The following HEMK2 variants were observed in gnomAD, a reference collection of about 807,000 sequenced individuals.
HEMK2 encodes the protein methyltransferase HEMK2.
At chr21:28,724,449 G>A in the HEMK2 span, among the ~76,000 whole-genome samples, 1 of 152,188 alleles carries the variant, frequency 6.6e-6, no homozygotes, top group Non-Finnish European at 1.5e-5. Flanking sequence ...GCATTTGCAT[G>A]AGCTGTAATG....
the HEMK2 span, among the ~76,000 whole-genome samples, chr21:28,740,490 T>C: frequency 2.0e-5 from 3 of 152,214 alleles, no homozygotes; most frequent in Admixed American, 6.5e-5. Flanking sequence ...ATATGGGCAA[T>C]AGTGATTGTT....
chr21:28,617,490 C>T, the HEMK2 span, among the ~76,000 whole-genome samples: 1 of 152,176 alleles, frequency 6.6e-6, no homozygotes, highest in South Asian at 2.1e-4. Flanking sequence ...ATCAGCCAAC[C>T]ATTGCTGTAA....
chr21:28,707,612 A>C, the HEMK2 span, among the ~76,000 whole-genome samples: 3 of 152,262 alleles, frequency 2.0e-5, no homozygotes, highest in African/African-American at 4.8e-5. Context: ...GACTCACCAG[A>C]GAATTGCCTG....
At chr21:28,834,114 T>C in the HEMK2 span, among the ~76,000 whole-genome samples, 1 of 152,234 alleles carries the variant, frequency 6.6e-6, no homozygotes, top group Non-Finnish European at 1.5e-5. Context: ...CCTATGTGAA[T>C]GATCCCCAAC....
the HEMK2 span, among the ~76,000 whole-genome samples, chr21:28,822,602 T>C: frequency 6.6e-6 from 1 of 151,942 alleles, no homozygotes; most frequent in Non-Finnish European, 1.5e-5. Flanking sequence ...CACATATATA[T>C]ATCCCTGAGC....
chr21:28,787,322 G>T, the HEMK2 span, among the ~76,000 whole-genome samples: 6 of 152,120 alleles, frequency 3.9e-5, no homozygotes, highest in African/African-American at 1.4e-4. Context: ...TCATGACCAA[G>T]AACCCAAAAG....
chr21:28,674,537 T>G, the HEMK2 span: 9 of 152,302 alleles, frequency 5.9e-5, 1 homozygote, highest in South Asian at 1.5e-3. Flanking sequence ...CTTGTCCTGC[T>G]TCTCTGGAGT....
chr21:28,786,833 G>A, the HEMK2 span, among the ~76,000 whole-genome samples: 1,099 of 152,222 alleles, frequency 7.2e-3, 9 homozygotes, highest in African/African-American at 0.024. Context: ...TGAAAATCTT[G>A]TAATATTTTC....
the HEMK2 span, among the ~76,000 whole-genome samples, chr21:28,652,552 G>A: frequency 2.0e-5 from 3 of 151,938 alleles, no homozygotes; most frequent in African/African-American, 7.3e-5. Flanking sequence ...TTGCTCCCAT[G>A]AGGGGAACCC....
At chr21:28,786,193 G>A in the HEMK2 span, among the ~76,000 whole-genome samples, 11 of 152,202 alleles carry the variant, frequency 7.2e-5, no homozygotes, top group South Asian at 6.2e-4. Context: ...AAATCACACC[G>A]CCATGTTTCA....
At chr21:28,701,328 C>T in the HEMK2 span, among the ~76,000 whole-genome samples, 1 of 151,964 alleles carries the variant, frequency 6.6e-6, no homozygotes, top group Non-Finnish European at 1.5e-5. Flanking sequence ...TAAAAGGCAT[C>T]CAAATAGGAG....
the HEMK2 span, among the ~76,000 whole-genome samples, chr21:28,825,457 T>G: frequency 6.6e-6 from 1 of 152,098 alleles, no homozygotes; most frequent in African/African-American, 2.4e-5. Flanking sequence ...CAGGCCACAT[T>G]AGGCAGAGAT....
chr21:28,761,867 T>C, the HEMK2 span, among the ~76,000 whole-genome samples: 1 of 151,954 alleles, frequency 6.6e-6, no homozygotes, highest in South Asian at 2.1e-4. Flanking sequence ...GGCAGCAAAT[T>C]GAAAAGACGA....
At chr21:28,719,503 G>A in the HEMK2 span, among the ~76,000 whole-genome samples, 1 of 152,160 alleles carries the variant, frequency 6.6e-6, no homozygotes, top group East Asian at 1.9e-4. Context: ...CTTTGCCTTT[G>A]CCATGATTGT....
At chr21:28,882,132 AATT>A in the HEMK2 span, 150 of 1,534,660 alleles carry the variant, frequency 9.8e-5, no homozygotes, top group Middle Eastern at 1.7e-3. Flanking sequence ...TTGAAAAGAA[AATT>A]ATTACTGGAC....
chr21:28,777,538 G>A, the HEMK2 span, among the ~76,000 whole-genome samples: 2 of 152,084 alleles, frequency 1.3e-5, no homozygotes, highest in African/African-American at 4.8e-5. Context: ...GGTCCAGAGA[G>A]GTTGTCACTT....
At chr21:28,718,326 T>A in the HEMK2 span, among the ~76,000 whole-genome samples, 1 of 152,222 alleles carries the variant, frequency 6.6e-6, no homozygotes, top group African/African-American at 2.4e-5. Context: ...TACTGAGACT[T>A]GCTTTATGGC....
At chr21:28,854,147 C>T in the HEMK2 span, among the ~76,000 whole-genome samples, 2 of 152,206 alleles carry the variant, frequency 1.3e-5, no homozygotes, top group African/African-American at 4.8e-5. Context: ...GAGCAACCAA[C>T]AAGCTTCATT....
the HEMK2 span, among the ~76,000 whole-genome samples, chr21:28,806,431 T>C: frequency 6.6e-6 from 1 of 152,208 alleles, no homozygotes; most frequent in Non-Finnish European, 1.5e-5. Flanking sequence ...TAAACTGTGC[T>C]CTCTCAAAAA....
Sources: gnomAD v4.1 joint callset for allele counts (sites outside exome capture counted in the v4.1 genomes callset) on GRCh38, gnomAD v4.1.1 for gene constraint, MANE v1.5 for transcripts, NCBI Gene and HGNC (gene_info 2026-07-23, HGNC 2026-07-21) for gene names.